The following DOCK3 variants were observed in gnomAD, a reference collection of about 807,000 sequenced individuals.
DOCK3 encodes the protein dedicator of cytokinesis protein 3.
Under a neutral mutation model 265.6 loss-of-function variants are expected in DOCK3, and 60 were observed. The ratio of observed to expected loss-of-function variants is 0.23; its 90% CI spans 0.18 to 0.28. DOCK3 has a LOEUF of 0.28. DOCK3 is among the 10% of genes least tolerant of loss of function. DOCK3 has a pLI of 1.00. For synonymous variants in DOCK3, 881 were observed against 938.0 expected (o/e 0.94, Z 1.11); for missense variants, 1,981 against 2,594.3 (o/e 0.76, Z 5.14).
intron 23 of DOCK3, among the ~76,000 whole-genome samples, chr3:51,268,172 T>G (rs1287454912): frequency 6.6e-6 from 1 of 152,176 alleles, no homozygotes; most frequent in Non-Finnish European, 1.5e-5. Flanking sequence ...AAGATTAGAT[T>G]AGATTCAATA....
At chr3:50,970,931 AT>A (rs1208178008) in intron 5 of DOCK3, among the ~76,000 whole-genome samples, 10 of 72,122 alleles carry the variant, frequency 1.4e-4, no homozygotes, top group African/African-American at 4.2e-4. Context: ...ATATATATAT[AT>A]ATATATATAT....
At chr3:51,044,223 T>A (rs1448893021) in intron 5 of DOCK3, among the ~76,000 whole-genome samples, 1 of 152,192 alleles carries the variant, frequency 6.6e-6, no homozygotes, top group Admixed American at 6.5e-5. Context: ...GTGGTGCATA[T>A]ATACCGTGGA....
At chr3:50,718,932 T>C (rs1458254522) in intron 1 of DOCK3, among the ~76,000 whole-genome samples, 1 of 151,820 alleles carries the variant, frequency 6.6e-6, no homozygotes, top group Non-Finnish European at 1.5e-5. Context: ...TACAGGCGCC[T>C]GCCACCATGC....
chr3:50,840,609 C>T (rs1466166158), intron 2 of DOCK3, among the ~76,000 whole-genome samples: 4 of 152,156 alleles, frequency 2.6e-5, no homozygotes, highest in Non-Finnish European at 5.9e-5. Context: ...ATTACTTTAG[C>T]TTCATAGTGT....
intron 21 of DOCK3, among the ~76,000 whole-genome samples, chr3:51,238,556 A>C (rs1457231606): frequency 2.0e-5 from 3 of 152,038 alleles, no homozygotes. Context: ...TTCATCACCT[A>C]GGTATTAAGC....
At chr3:50,723,256 TG>T (rs1353114677) in intron 1 of DOCK3, among the ~76,000 whole-genome samples, 4 of 152,110 alleles carry the variant, frequency 2.6e-5, no homozygotes, top group African/African-American at 9.7e-5. Flanking sequence ...AAAAGAAAGC[TG>T]GTTGACAGTA....
chr3:51,369,832 C>A (rs952741547), intron 49 of DOCK3, among the ~76,000 whole-genome samples: 1 of 152,152 alleles, frequency 6.6e-6, no homozygotes, highest in Non-Finnish European at 1.5e-5. Context: ...CAGACCAAGC[C>A]CTCATTTCCA....
intron 14 of DOCK3, among the ~76,000 whole-genome samples, chr3:51,218,659 G>GT (rs1326086809): frequency 1.3e-5 from 2 of 152,016 alleles, no homozygotes; most frequent in Non-Finnish European, 2.9e-5. Flanking sequence ...AATTTCTAAG[G>GT]TTATCATTGA....
chr3:50,748,340 G>T (rs1261559425), intron 1 of DOCK3, among the ~76,000 whole-genome samples: 1 of 152,126 alleles, frequency 6.6e-6, no homozygotes, highest in Non-Finnish European at 1.5e-5. Flanking sequence ...AAAGGATTCG[G>T]TCTTGTAAAG....
At chr3:50,728,571 T>TA (rs1410696766) in intron 1 of DOCK3, among the ~76,000 whole-genome samples, 1 of 152,052 alleles carries the variant, frequency 6.6e-6, no homozygotes, top group African/African-American at 2.4e-5. Flanking sequence ...ACTGATGAAT[T>TA]AAAAAACAGG....
In DOCK3 at chr3:50,939,160, A is replaced by G. The variant is rs558557296; in HGVS notation, c.315+5083A>G. 2.3e-4 allele frequency among the ~76,000 whole-genome samples: 35 copies of G among 152,248 alleles called. 1 individual carries two copies. In the South Asian group the frequency reaches 6.4e-3, roughly 28 times the overall value. ...AAATACTGTAAACAACTTTACATAC[A>G]TGATAGTTTAAGATGAATAGGTCAA... On this transcript the variant is annotated intron_variant, in intron 5 of 52. Coordinates refer to ENST00000266037, the MANE Select transcript of DOCK3 (RefSeq NM_004947.5).
chr3:50,826,810 G>A (rs894316536), intron 2 of DOCK3, among the ~76,000 whole-genome samples: 4 of 152,112 alleles, frequency 2.6e-5, no homozygotes, highest in African/African-American at 9.7e-5. Context: ...AAAAAGTTGA[G>A]GGAATTTGCT....
At chr3:51,269,336 C>CA (rs1299357252) in intron 23 of DOCK3, among the ~76,000 whole-genome samples, 1 of 151,890 alleles carries the variant, frequency 6.6e-6, no homozygotes, top group African/African-American at 2.4e-5. Context: ...TTTAAGAGAG[C>CA]AAATGAGTTA....
At chr3:51,350,658 A>C (rs2085914993) in intron 40 of DOCK3, among the ~76,000 whole-genome samples, 1 of 152,202 alleles carries the variant, frequency 6.6e-6, no homozygotes, top group African/African-American at 2.4e-5. Context: ...TCAGGAAGTG[A>C]CCAGGGTCTA....
intron 3 of DOCK3, among the ~76,000 whole-genome samples, chr3:50,878,478 C>T (rs549730162): frequency 1.2e-4 from 18 of 152,024 alleles, no homozygotes; most frequent in East Asian, 1.9e-4. Context: ...AACGATGTGA[C>T]GCATGCACAA....
chr3:51,281,600 T>A, intron 27 of DOCK3, among the ~76,000 whole-genome samples: 1 of 152,012 alleles, frequency 6.6e-6, no homozygotes, highest in Non-Finnish European at 1.5e-5. Context: ...AGAGATTTGC[T>A]CCCCCACTGC....
intron 4 of DOCK3, chr3:50,901,518 G>A: frequency 4.8e-6 from 2 of 415,842 alleles, no homozygotes; most frequent in South Asian, 3.7e-5. Flanking sequence ...CCACCGGAGT[G>A]TGAAAAAATA....
At chr3:50,814,869 G>T (rs1455560168) in intron 2 of DOCK3, among the ~76,000 whole-genome samples, 1 of 151,594 alleles carries the variant, frequency 6.6e-6, no homozygotes, top group African/African-American at 2.4e-5. Flanking sequence ...TCTGCCGCCA[G>T]GCTGGAGTGC....
At position 51,036,608 on chromosome 3, in the gene DOCK3, T is replaced by C. The variant is rs973920843; in HGVS notation, c.316-27840T>C. Reference sequence around the variant, plus strand: ...AACTTCATACTATACCGTACTCTGATGCCCTTAGCTCTCTTTCCAGCTAAG... The same window carrying C: ...AACTTCATACTATACCGTACTCTGACGCCCTTAGCTCTCTTTCCAGCTAAG... On this transcript the variant is annotated intron_variant, in intron 5 of 52. Transcript: ENST00000266037. Among the ~76,000 whole-genome samples the C allele has an allele frequency of 2.0e-5, 3 of 152,204 alleles. No homozygotes were observed. The South Asian group carries it at 6.2e-4, about 31-fold the overall frequency.
Sources: allele counts gnomAD v4.1 joint callset (sites outside exome capture counted in the v4.1 genomes callset), GRCh38; gene constraint gnomAD v4.1.1; transcripts MANE v1.5; gene names NCBI Gene and HGNC (gene_info 2026-07-23, HGNC 2026-07-21).